RPS6KA3: variants seen among roughly 807,000 people sequenced by gnomAD.
RPS6KA3 encodes the protein ribosomal protein S6 kinase alpha-3.
A neutral mutation model predicts 67.2 loss-of-function variants in RPS6KA3; 4 were observed. The ratio of observed to expected loss-of-function variants is 0.06; its 90% confidence interval spans 0.03 to 0.14. The LOEUF is 0.14. RPS6KA3 is among the 10% of genes least tolerant of loss of function. RPS6KA3 has a pLI of 1.00. For synonymous variants in RPS6KA3, 182 were observed against 183.7 expected (o/e 0.99, Z 0.07); for missense variants, 204 against 559.0 (o/e 0.36, Z 6.40).
rs1271681078 is a variant in RPS6KA3 at position 20,184,136 on chromosome X, C to T, written c.845+2160G>A. 3.6e-5 allele frequency among the ~76,000 whole-genome samples: 4 copies of T among 111,556 alleles called. No homozygotes were observed. The East Asian group carries it at 1.1e-3, about 31-fold the overall frequency. ...TGATCTTAGCTCACTGCAACCTCCG[C>T]CTCCCGGGTTCAAGTGATTCTCCTG... is the stretch of plus-strand genomic sequence containing the variant. On this transcript the variant is annotated intron_variant, in intron 10 of 21. Coordinates refer to ENST00000379565, the MANE Select transcript of RPS6KA3 (RefSeq NM_004586.3).
intron 1 of RPS6KA3, among the ~76,000 whole-genome samples, chrX:20,264,607 T>C (rs992618392): frequency 8.9e-6 from 1 of 112,048 alleles, no homozygotes. Context: ...TAAAATGAAA[T>C]AGTAATGTAG....
chrX:20,253,392 T>C (rs1603432186), intron 1 of RPS6KA3, among the ~76,000 whole-genome samples: 1 of 111,268 alleles, frequency 9.0e-6, no homozygotes, highest in South Asian at 3.8e-4. Flanking sequence ...CTGTTGGCAG[T>C]TCTAGTTTGG....
chrX:20,246,727 A>G (rs1012716022), intron 1 of RPS6KA3, among the ~76,000 whole-genome samples: 4 of 112,247 alleles, frequency 3.6e-5, no homozygotes, highest in African/African-American at 1.3e-4. Context: ...TATTGATAAC[A>G]TAACTATTAA....
chrX:20,224,267 T>C (rs1202600705), intron 2 of RPS6KA3, among the ~76,000 whole-genome samples: 1 of 110,816 alleles, frequency 9.0e-6, no homozygotes, highest in Non-Finnish European at 1.9e-5. Flanking sequence ...GGTGACTGAC[T>C]TAGGTAAAAA....
chrX:20,256,558 G>T (rs1309740553), intron 1 of RPS6KA3, among the ~76,000 whole-genome samples: 1 of 111,728 alleles, frequency 9.0e-6, no homozygotes, highest in African/African-American at 3.3e-5. Context: ...TAGACATTTT[G>T]TTTTATTTGT....
chrX:20,232,817 G>T (rs1385185633), intron 2 of RPS6KA3, among the ~76,000 whole-genome samples: 2 of 111,435 alleles, frequency 1.8e-5, no homozygotes, highest in Non-Finnish European at 3.8e-5. Context: ...AACTTCACTA[G>T]TAAGCAAATG....
At chrX:20,255,302 A>T (rs1018536949) in intron 1 of RPS6KA3, among the ~76,000 whole-genome samples, 1 of 111,471 alleles carries the variant, frequency 9.0e-6, no homozygotes, top group African/African-American at 3.3e-5. Context: ...AAAATAGATT[A>T]GTGATTGCCA....
intron 10 of RPS6KA3, among the ~76,000 whole-genome samples, chrX:20,183,020 T>C (rs1211684460): frequency 1.8e-5 from 2 of 111,139 alleles, no homozygotes; most frequent in South Asian, 3.8e-4. Context: ...CATTTTCTGA[T>C]TAACGAGGTT....
intron 2 of RPS6KA3, among the ~76,000 whole-genome samples, chrX:20,219,708 T>C (rs2068943802): frequency 1.8e-5 from 2 of 111,798 alleles, no homozygotes; most frequent in African/African-American, 6.5e-5. Flanking sequence ...CTCCATTTCA[T>C]TTCATCCTCT....
intron 5 of RPS6KA3, 134 bp from the exon 6 acceptor site, chrX:20,194,402 C>A: frequency 2.2e-6 from 1 of 463,715 alleles, no homozygotes; most frequent in South Asian, 3.3e-5. Context: ...AGAAGAAAAC[C>A]ACTGATTTAT....
At chrX:20,264,639 G>A (rs1265111952) in intron 1 of RPS6KA3, among the ~76,000 whole-genome samples, 3 of 111,330 alleles carry the variant, frequency 2.7e-5, no homozygotes, top group Non-Finnish European at 5.6e-5. Context: ...GCATACAGTT[G>A]GTGCTAAATA....
At chrX:20,263,609 G>A (rs976703882) in intron 1 of RPS6KA3, among the ~76,000 whole-genome samples, 2 of 111,704 alleles carry the variant, frequency 1.8e-5, no homozygotes, top group Non-Finnish European at 3.8e-5. Context: ...AAAGCAGGAA[G>A]GCCAGTGTAA....
chrX:20,242,085 G>C (rs1288787589), intron 1 of RPS6KA3, among the ~76,000 whole-genome samples: 1 of 110,948 alleles, frequency 9.0e-6, no homozygotes, highest in East Asian at 2.8e-4. Flanking sequence ...AAAAGAAAAG[G>C]GTTCAATAGT....
intron 10 of RPS6KA3, among the ~76,000 whole-genome samples, chrX:20,181,985 G>T (rs767628630): frequency 3.6e-5 from 4 of 111,904 alleles, no homozygotes; most frequent in Non-Finnish European, 5.6e-5. Context: ...CAAAGTAGAT[G>T]AAGTGATAAA....
At chrX:20,178,090 C>A (rs928387997) in intron 10 of RPS6KA3, among the ~76,000 whole-genome samples, 2 of 111,758 alleles carry the variant, frequency 1.8e-5, no homozygotes, top group Non-Finnish European at 3.8e-5. Flanking sequence ...ATGCCAGACA[C>A]TGTTTAGTGC....
intron 2 of RPS6KA3, among the ~76,000 whole-genome samples, chrX:20,220,533 C>T (rs904382638): frequency 9.3e-6 from 1 of 107,558 alleles, no homozygotes; most frequent in African/African-American, 3.7e-5. Context: ...ATCATCTTTA[C>T]TGCACAACTC....
At chrX:20,244,912 T>C (rs1032773080) in intron 1 of RPS6KA3, among the ~76,000 whole-genome samples, 1 of 112,323 alleles carries the variant, frequency 8.9e-6, no homozygotes, top group African/African-American at 3.2e-5. Flanking sequence ...AAAAGGGATT[T>C]CTTTAAATAT....
At chrX:20,216,999 T>C (rs1603429406) in intron 2 of RPS6KA3, among the ~76,000 whole-genome samples, 2 of 112,349 alleles carry the variant, frequency 1.8e-5, no homozygotes, top group East Asian at 5.6e-4. Flanking sequence ...AGATTTATTA[T>C]TAGATAAATA....
intron 3 of RPS6KA3, among the ~76,000 whole-genome samples, chrX:20,205,319 G>C (rs1336488027): frequency 1.8e-5 from 2 of 112,599 alleles, no homozygotes; most frequent in Non-Finnish European, 3.7e-5. Flanking sequence ...TGCTTCCACA[G>C]GTGGGAAGAA....
Sources: gnomAD v4.1 joint callset for allele counts (sites outside exome capture counted in the v4.1 genomes callset) on GRCh38, gnomAD v4.1.1 for gene constraint, MANE v1.5 for transcripts, NCBI Gene and HGNC (gene_info 2026-07-23, HGNC 2026-07-21) for gene names.